TNRC6A: variants seen among roughly 807,000 people sequenced by gnomAD.
The protein encoded by TNRC6A is trinucleotide repeat containing adaptor 6A, also known as trinucleotide repeat-containing gene 6A protein.
TNRC6A carries 44 observed loss-of-function variants against 221.2 expected under a neutral mutation model. That is an observed-to-expected ratio of 0.20 (90% CI 0.16 to 0.26). TNRC6A has a LOEUF of 0.26. Ranked by LOEUF, TNRC6A falls within the 10% of genes least tolerant of loss-of-function variation. The probability of loss-of-function intolerance (pLI) is 1.00; values close to 1 mark genes in which losing one functional copy is unlikely to be tolerated. For missense variants in TNRC6A, 2,199 were observed against 2,404.4 expected (o/e 0.91, Z 1.79); for synonymous variants, 847 against 838.5 (o/e 1.01, Z -0.18).
intron 2 of TNRC6A, among the ~76,000 whole-genome samples, chr16:24,658,733 T>C (rs186036342): frequency 5.3e-4 from 81 of 152,294 alleles, no homozygotes; most frequent in African/African-American, 1.9e-3. Flanking sequence ...CAATTATTTA[T>C]TTTACTCTAA....
chr16:24,670,630 G>T (rs532683167), intron 2 of TNRC6A, among the ~76,000 whole-genome samples: 1 of 152,066 alleles, frequency 6.6e-6, no homozygotes, highest in Non-Finnish European at 1.5e-5. Context: ...CCAAATACCT[G>T]CTTGGCCCCA....
intron 1 of TNRC6A, among the ~76,000 whole-genome samples, chr16:24,640,660 C>G (rs566082400): frequency 1.4e-5 from 2 of 146,212 alleles, no homozygotes; most frequent in Non-Finnish European, 3.0e-5. Flanking sequence ...GCCCGGGAGG[C>G]GGAAGTTGCA....
At position 24,793,604 on chromosome 16, in the gene TNRC6A, A is replaced by G; in HGVS notation, c.3307A>G (p.Thr1103Ala). 1 of 1,557,184 alleles carries G rather than the reference A, an allele frequency of 6.4e-7. No homozygotes were observed. Among genetic ancestry groups the G allele is most frequent in the Non-Finnish European group, 8.7e-7 (1 of 1,150,370 alleles). ...EPIAAASSTS[T>A]WGSSSVGPQA... Reference sequence around the variant, plus strand: ...CATTGCTGCGGCATCCAGCACATCCACGTGGGGCTCCAGCTCTGTTGGTCC... The same window carrying G: ...CATTGCTGCGGCATCCAGCACATCCGCGTGGGGCTCCAGCTCTGTTGGTCC... Residue 1103 changes from threonine (T) to alanine (A), a missense_variant, in exon 7 of 25, where the codon ACG becomes GCG. By Grantham distance (58) the Thr-to-Ala change is moderately conservative (BLOSUM62 0). Coordinates refer to ENST00000395799, the MANE Select transcript of TNRC6A (RefSeq NM_014494.4).
At chr16:24,761,973 T>A (rs564677432) in intron 4 of TNRC6A, among the ~76,000 whole-genome samples, 2 of 152,290 alleles carry the variant, frequency 1.3e-5, no homozygotes, top group East Asian at 3.9e-4. Flanking sequence ...TCTCACTCCT[T>A]CATATCAGTG....
chr16:24,781,406 C>T (rs2057843363), intron 5 of TNRC6A, among the ~76,000 whole-genome samples: 1 of 152,174 alleles, frequency 6.6e-6, no homozygotes, highest in African/African-American at 2.4e-5. Context: ...TCCCTCCCCC[C>T]TTTCAGTGTT....
chr16:24,743,357 T>C (rs1353328578), intron 2 of TNRC6A, among the ~76,000 whole-genome samples: 1 of 152,168 alleles, frequency 6.6e-6, no homozygotes, highest in Non-Finnish European at 1.5e-5. Flanking sequence ...GGCTTTACTC[T>C]GTCACCCAGG....
intron 2 of TNRC6A, among the ~76,000 whole-genome samples, chr16:24,689,989 T>TAAAAAAAAAAAAAAAA (rs60944175): frequency 1.0e-5 from 1 of 97,478 alleles, no homozygotes; most frequent in African/African-American, 3.6e-5. Flanking sequence ...AGGCTTAAAG[T>TAAAAAAAAAAAAAAAA]AAAAAAAAAA....
At chr16:24,818,723 A>G (rs1255390818) in intron 21 of TNRC6A, 23 bp downstream of exon 21, 1 of 1,590,598 alleles carries the variant, frequency 6.3e-7, no homozygotes, top group African/African-American at 1.3e-5. Flanking sequence ...TTCGCTCAGG[A>G]AGGGAGGGTT....
intron 2 of TNRC6A, among the ~76,000 whole-genome samples, chr16:24,643,115 A>C (rs1320254063): frequency 3.7e-5 from 5 of 135,126 alleles, no homozygotes; most frequent in African/African-American, 1.4e-4. Context: ...TATAAAATAT[A>C]TATATATAAA....
chr16:24,643,106 A>ATT (rs1293896221), intron 2 of TNRC6A, among the ~76,000 whole-genome samples: 3 of 59,122 alleles, frequency 5.1e-5, no homozygotes, highest in African/African-American at 1.1e-4. Flanking sequence ...ATATATATAT[A>ATT]TAAAATATAT....
intron 3 of TNRC6A, among the ~76,000 whole-genome samples, chr16:24,753,722 G>A (rs934326351): frequency 2.0e-5 from 3 of 152,156 alleles, no homozygotes; most frequent in Non-Finnish European, 4.4e-5. Context: ...GAGCCAGGTG[G>A]GCAGGCCCAT....
intron 5 of TNRC6A, among the ~76,000 whole-genome samples, chr16:24,785,650 A>G (rs2057951080): frequency 6.6e-6 from 1 of 152,156 alleles, no homozygotes; most frequent in Non-Finnish European, 1.5e-5. Context: ...TATTGATGAC[A>G]AGTATTTTTG....
chr16:24,700,804 A>G (rs760901744), intron 2 of TNRC6A, among the ~76,000 whole-genome samples: 16 of 152,194 alleles, frequency 1.1e-4, no homozygotes, highest in Admixed American at 2.6e-4. Flanking sequence ...ATTCTCCACT[A>G]GCCAGCATGT....
intron 1 of TNRC6A, among the ~76,000 whole-genome samples, chr16:24,616,662 G>C (rs1211621859): frequency 2.6e-5 from 4 of 152,182 alleles, no homozygotes; most frequent in Non-Finnish European, 5.9e-5. Context: ...CAGATGCGGT[G>C]GTTCATGCCT....
At chr16:24,795,275 A>C (rs987550616) in intron 8 of TNRC6A, among the ~76,000 whole-genome samples, 1 of 152,170 alleles carries the variant, frequency 6.6e-6, no homozygotes, top group Non-Finnish European at 1.5e-5. Context: ...ATTTGTTAAA[A>C]ATGCAGCTTC....
rs1253362943 is a variant in TNRC6A at position 24,816,639 on chromosome 16, A to G, written c.4832-177A>G. 8.1e-6 allele frequency: 6 copies of G among 744,592 alleles called. No homozygotes were observed. In the African/African-American group the frequency reaches 8.9e-5, roughly 11 times the overall value. 46.1% of individuals were successfully genotyped at this position (744,592 alleles called of 1,614,324 possible). A position where few individuals can be genotyped will look rare whatever the true frequency, so the allele number is the denominator to read the frequency against. On this transcript the variant is annotated intron_variant, in intron 19 of 24. Coordinates refer to ENST00000395799, the MANE Select transcript of TNRC6A (RefSeq NM_014494.4). Reference sequence around the variant, plus strand: ...TTGTAAAAACTTGCAAGTAATTTATAAAGAATAGCTTCTATAATACTAATT... The same window carrying G: ...TTGTAAAAACTTGCAAGTAATTTATGAAGAATAGCTTCTATAATACTAATT...
At chr16:24,626,513 C>A (rs1900998896) in intron 1 of TNRC6A, among the ~76,000 whole-genome samples, 1 of 152,050 alleles carries the variant, frequency 6.6e-6, no homozygotes, top group Non-Finnish European at 1.5e-5. Flanking sequence ...CCATAGCATA[C>A]TTTCAAGCCT....
chr16:24,823,507 C>T lies in TNRC6A; in HGVS notation c.5589C>T (p.Ser1863=). ...AGATCAGTCGTTTCTTTGCACAAAG[C>T]CAGTCTCTGACCCCTTCTCCCGGCT... is the stretch of plus-strand genomic sequence containing the variant. ...EEEISRFFAQ[S]QSLTPSPGWQ... Residue 1863 remains serine, a synonymous_variant, in exon 25 of 25, where the codon AGC becomes AGT. Transcript: ENST00000395799. This position sits in a 1 kb window ranked among gnomAD's most constrained non-coding sequence, Gnocchi z 4.3. The T allele has an allele frequency of 6.2e-7, 1 of 1,614,158 alleles. No homozygotes were observed. The highest frequency in any genetic ancestry group is 8.5e-7 in the Non-Finnish European group (1 of 1,180,020).
intron 2 of TNRC6A, among the ~76,000 whole-genome samples, chr16:24,660,395 C>T (rs1183919604): frequency 4.6e-5 from 7 of 152,112 alleles, no homozygotes; most frequent in East Asian, 1.9e-4. Context: ...CAGGTTGCTG[C>T]GAATGCCATT....
Sources: allele counts gnomAD v4.1 joint callset (sites outside exome capture counted in the v4.1 genomes callset), GRCh38; gene constraint gnomAD v4.1.1; non-coding constraint Gnocchi (gnomAD v3.1); transcripts MANE v1.5; gene names NCBI Gene and HGNC (gene_info 2026-07-23, HGNC 2026-07-21).